The following CADPS variants were observed in gnomAD, a reference collection of about 807,000 sequenced individuals.
The protein encoded by CADPS is calcium dependent secretion activator.
A neutral mutation model predicts 167.3 loss-of-function variants in CADPS; 57 were observed. The ratio of observed to expected loss-of-function variants is 0.34; its 90% CI spans 0.28 to 0.42. The LOEUF (loss-of-function observed/expected upper bound fraction) is 0.42, where lower values mean the gene tolerates loss of function less well. Among genes scored for constraint, CADPS ranks in the 20% least tolerant of loss-of-function variants. CADPS has a pLI of 1.00. For missense variants in CADPS, 1,414 were observed against 1,738.1 expected (o/e 0.81, Z 3.32); for synonymous variants, 676 against 635.3 (o/e 1.06, Z -0.96).
chr3:62,516,228 G>A (rs1431917699), intron 15 of CADPS, 46 bp from the exon 16 acceptor site: 2 of 1,608,234 alleles, frequency 1.2e-6, no homozygotes, highest in African/African-American at 1.3e-5. Context: ...TCAAGCAAAT[G>A]TGTCACTCAT....
In CADPS at chr3:62,729,476, T is replaced by C. The variant is rs773093900; in HGVS notation, c.888+23965A>G. ...TTTGCACACCAGCCAAACTGATTTA[T>C]AAAGTGGGGTCTAAGAGCTCAGTCT... On this transcript the variant is annotated intron_variant, in intron 3 of 29. Transcript: ENST00000383710. Among the ~76,000 whole-genome samples, 8 of 151,904 alleles carry C rather than the reference T, an allele frequency of 5.3e-5. No individual in the cohort carries two copies. The South Asian group carries it at 1.7e-3, about 31-fold the overall frequency.
chr3:62,852,062 C>A (rs1366078912), intron 1 of CADPS, among the ~76,000 whole-genome samples: 1 of 147,062 alleles, frequency 6.8e-6, no homozygotes, highest in Non-Finnish European at 1.5e-5. Context: ...TCCAGTTGAT[C>A]GCATCGGCTC....
intron 5 of CADPS, among the ~76,000 whole-genome samples, chr3:62,649,522 G>A (rs2069464216): frequency 7.4e-6 from 1 of 135,854 alleles, no homozygotes; most frequent in African/African-American, 2.8e-5. Flanking sequence ...TTTATATCAA[G>A]GGAATCATAC....
At chr3:62,857,099 T>C (rs2079859217) in intron 1 of CADPS, among the ~76,000 whole-genome samples, 1 of 151,970 alleles carries the variant, frequency 6.6e-6, no homozygotes, top group Non-Finnish European at 1.5e-5. Flanking sequence ...AATATGACAA[T>C]GTTAATACCA....
chr3:62,637,507 A>G (rs756835513), intron 6 of CADPS, among the ~76,000 whole-genome samples: 6 of 152,200 alleles, frequency 3.9e-5, no homozygotes, highest in Non-Finnish European at 8.8e-5. Flanking sequence ...ATGTGGGTCG[A>G]ATTATGCCTG....
intron 10 of CADPS, among the ~76,000 whole-genome samples, chr3:62,556,274 C>A (rs1313644784): frequency 1.3e-5 from 2 of 152,170 alleles, no homozygotes; most frequent in African/African-American, 2.4e-5. Context: ...ATGTGGTCAG[C>A]TCTGCATTCT....
chr3:62,744,604 T>C lies in CADPS; in HGVS notation c.888+8837A>G, dbSNP rs185125448. On this transcript the variant is annotated intron_variant, in intron 3 of 29. Coordinates refer to ENST00000383710, the MANE Select transcript of CADPS (RefSeq NM_003716.4). ...AGATGGCTTATCATAGATTTTGTTG[T>C]TTGGCAAAAGGTAGAAAAAAGCAGA... 6.0e-4 allele frequency among the ~76,000 whole-genome samples: 91 copies of C among 152,330 alleles called. No homozygotes were observed. In the East Asian group the frequency reaches 0.011, roughly 18 times the overall value.
intron 28 of CADPS, among the ~76,000 whole-genome samples, chr3:62,409,635 C>T (rs2048574349): frequency 6.6e-6 from 1 of 152,178 alleles, no homozygotes; most frequent in East Asian, 1.9e-4. Context: ...ATCATCCTAC[C>T]TCCTCTTCTA....
rs1014239412 is a variant in CADPS, at chr3:62,600,676, A to G, written c.1326-7928T>C. ...ATCACTATGATAGGCACTGCTATGG[A>G]TCCAAAGGTGAGTGAGATGTAAGTT... On this transcript the variant is annotated intron_variant, in intron 6 of 29. Coordinates refer to ENST00000383710, the MANE Select transcript of CADPS (RefSeq NM_003716.4). 4.6e-5 allele frequency among the ~76,000 whole-genome samples: 7 copies of G among 152,346 alleles called. No homozygotes were observed. The East Asian group carries it at 1.4e-3, about 29-fold the overall frequency.
Position 62,457,937 on chromosome 3 carries a change from G to C in CADPS, c.3636+7430C>G, listed in dbSNP as rs539166322. 6.6e-5 allele frequency among the ~76,000 whole-genome samples: 10 copies of C among 152,198 alleles called. No homozygotes were observed. In the East Asian group the frequency reaches 1.9e-3, roughly 29 times the overall value. On this transcript the variant is annotated intron_variant, in intron 26 of 29. Transcript: ENST00000383710. ...CACACACTGGGGCCTGTTGAAGGGT[G>C]GGGGACTAGGGGAGGGATAGCATTA...
At chr3:62,808,309 G>A (rs2094211945) in intron 1 of CADPS, among the ~76,000 whole-genome samples, 1 of 152,086 alleles carries the variant, frequency 6.6e-6, no homozygotes, top group Non-Finnish European at 1.5e-5. Flanking sequence ...TGACTCTCCA[G>A]AAAAATGAGA....
chr3:62,451,060 A>G (rs1168166748), intron 26 of CADPS, among the ~76,000 whole-genome samples: 1 of 152,066 alleles, frequency 6.6e-6, no homozygotes, highest in Non-Finnish European at 1.5e-5. Context: ...GTAACCTTAA[A>G]TGGCTTCTCA....
intron 6 of CADPS, among the ~76,000 whole-genome samples, chr3:62,631,936 C>T (rs2065356070): frequency 6.6e-6 from 1 of 152,186 alleles, no homozygotes; most frequent in Admixed American, 6.5e-5. Context: ...GGAGGTTGAG[C>T]AGATGTGATG....
chr3:62,706,214 C>T (rs879738072), intron 3 of CADPS, among the ~76,000 whole-genome samples: 1 of 152,130 alleles, frequency 6.6e-6, no homozygotes, highest in East Asian at 1.9e-4. Flanking sequence ...TCTAATGAAG[C>T]CTACCATGAT....
At chr3:62,655,065 A>G (rs1246760908) in intron 4 of CADPS, among the ~76,000 whole-genome samples, 1 of 152,106 alleles carries the variant, frequency 6.6e-6, no homozygotes. Context: ...ATATTGGGAA[A>G]ATCCAAAGAA....
At chr3:62,809,238 G>T (rs879618606) in intron 1 of CADPS, among the ~76,000 whole-genome samples, 1 of 151,956 alleles carries the variant, frequency 6.6e-6, no homozygotes, top group Non-Finnish European at 1.5e-5. Flanking sequence ...ATTGAATCAC[G>T]TTGCTCCTCC....
At chr3:62,707,129 C>T (rs371963134) in intron 3 of CADPS, among the ~76,000 whole-genome samples, 14 of 152,084 alleles carry the variant, frequency 9.2e-5, no homozygotes, top group African/African-American at 2.9e-4. Flanking sequence ...TGTTAGAAAC[C>T]GGGCTGCAGC....
intron 3 of CADPS, among the ~76,000 whole-genome samples, chr3:62,706,945 T>C (rs1042091063): frequency 6.6e-6 from 1 of 152,276 alleles, no homozygotes; most frequent in South Asian, 2.1e-4. Context: ...TTCCTCACTA[T>C]GTAATATATC....
At chr3:62,448,621 TG>T (rs112771237) in intron 26 of CADPS, among the ~76,000 whole-genome samples, 10,954 of 149,720 alleles carry the variant, frequency 0.073, 472 homozygotes, top group East Asian at 0.18. Context: ...TGAACTTTTT[TG>T]GGGGGGGGTG....
Sources: allele counts gnomAD v4.1 joint callset (sites outside exome capture counted in the v4.1 genomes callset), GRCh38; gene constraint gnomAD v4.1.1; transcripts MANE v1.5; gene names NCBI Gene and HGNC (gene_info 2026-07-23, HGNC 2026-07-21).